The following ITGAE variants were observed in gnomAD, a reference collection of about 807,000 sequenced individuals.
ITGAE encodes integrin alpha-E.
A neutral mutation model predicts 136.5 loss-of-function variants in ITGAE; 99 were observed. The ratio of observed to expected loss-of-function variants is 0.73; its 90% CI spans 0.62 to 0.86. The LOEUF is 0.86. Among genes scored for constraint, ITGAE ranks in the 40% least tolerant of loss-of-function variants. The pLI is 0.00. For synonymous variants in ITGAE, 613 were observed against 591.8 expected (o/e 1.04, Z -0.52); for missense variants, 1,447 against 1,515.3 (o/e 0.95, Z 0.75).
chr17:3,756,230 T>C, intron 10 of ITGAE, among the ~76,000 whole-genome samples: 1 of 114,360 alleles, frequency 8.7e-6, no homozygotes, highest in Non-Finnish European at 1.8e-5. Flanking sequence ...TGGCCTTTTT[T>C]TTTTTTTTTT....
chr17:3,775,215 T>C (rs1003511888), intron 2 of ITGAE, among the ~76,000 whole-genome samples: 1 of 152,148 alleles, frequency 6.6e-6, no homozygotes, highest in Non-Finnish European at 1.5e-5. Context: ...CCTCCCAAAG[T>C]GCTAGGATTA....
chr17:3,794,495 G>A (rs1468228110), intron 1 of ITGAE, among the ~76,000 whole-genome samples: 3 of 152,132 alleles, frequency 2.0e-5, no homozygotes, highest in East Asian at 1.9e-4. Context: ...CATCTGCCTC[G>A]ATCGCCACAT....
intron 26 of ITGAE, chr17:3,724,503 G>C (rs78982870): frequency 6.2e-7 from 1 of 1,613,912 alleles, no homozygotes; most frequent in Non-Finnish European, 8.5e-7. Flanking sequence ...CATCTCGATC[G>C]GCACCTCCGC....
At chr17:3,725,361 A>G in intron 26 of ITGAE, 1 of 1,613,242 alleles carries the variant, frequency 6.2e-7, no homozygotes, top group South Asian at 1.1e-5. Context: ...TGTCCCCTTT[A>G]GCCATTGCCT....
chr17:3,756,518 C>T (rs985593710), intron 10 of ITGAE, among the ~76,000 whole-genome samples: 4 of 150,186 alleles, frequency 2.7e-5, no homozygotes, highest in African/African-American at 4.9e-5. Context: ...TCTTCTGTCT[C>T]GGGCTCCTGA....
chr17:3,792,471 T>C (rs529660040), intron 1 of ITGAE, among the ~76,000 whole-genome samples: 54 of 152,310 alleles, frequency 3.5e-4, no homozygotes, highest in African/African-American at 1.3e-3. Flanking sequence ...CTGGAATGAT[T>C]TGTGGTGATT....
chr17:3,724,718 A>G lies in ITGAE; in HGVS notation c.3085-974T>C, dbSNP rs376883181. ...CCCCTGAGGATTCTGAGTTTCGGGCAGATGGGAAGAATATGAGAGAGTCCT... is the reference window on the plus strand; with the variant it reads ...CCCCTGAGGATTCTGAGTTTCGGGCGGATGGGAAGAATATGAGAGAGTCCT... On this transcript the variant is annotated intron_variant, in intron 26 of 30. Transcript: ENST00000263087. 83 of 1,614,128 alleles carry G rather than the reference A, an allele frequency of 5.1e-5. 1 individual carries two copies. The Middle Eastern group carries it at 1.3e-3, about 26-fold the overall frequency.
At chr17:3,789,297 A>T (rs2052879607) in intron 1 of ITGAE, among the ~76,000 whole-genome samples, 1 of 151,992 alleles carries the variant, frequency 6.6e-6, no homozygotes, top group Non-Finnish European at 1.5e-5. Context: ...TAAAAAGGGC[A>T]CCATCTCTTT....
chr17:3,783,707 G>A (rs1050704567), intron 1 of ITGAE, among the ~76,000 whole-genome samples: 13 of 151,870 alleles, frequency 8.6e-5, no homozygotes, highest in African/African-American at 3.1e-4. Context: ...TAGATTTCAG[G>A]AAGAAATTAA....
intron 19 of ITGAE, 131 bp from the exon 20 acceptor site, chr17:3,740,009 G>A (rs79184401): frequency 1.4e-6 from 1 of 711,366 alleles, no homozygotes. Flanking sequence ...GTTACAGGGA[G>A]GTGAGGGGTG....
At chr17:3,762,828 C>T (rs775699459) in intron 3 of ITGAE, among the ~76,000 whole-genome samples, 1 of 151,670 alleles carries the variant, frequency 6.6e-6, no homozygotes, top group African/African-American at 2.4e-5. Context: ...TCTCGATCTC[C>T]TGACCCATGA....
chr17:3,747,364 G>A (rs1319632557), intron 17 of ITGAE, among the ~76,000 whole-genome samples: 2 of 151,774 alleles, frequency 1.3e-5, no homozygotes, highest in African/African-American at 2.4e-5. Context: ...GTCACCCAGC[G>A]TGGAGTGCAG....
At position 3,723,685 on chromosome 17, in the gene ITGAE, T is replaced by C. The variant is rs746267394; in HGVS notation, c.3141+3A>G. ...CCTGGCCTCTCGGGACGGCCGCGCTTACCTGAACCGAACTGTACGCACAAG... is the reference window on the plus strand; with the variant it reads ...CCTGGCCTCTCGGGACGGCCGCGCTCACCTGAACCGAACTGTACGCACAAG... On this transcript the variant is annotated splice_donor_region_variant and intron_variant, in intron 27 of 30. Transcript: ENST00000263087. 64 of 1,593,580 alleles carry C rather than the reference T, an allele frequency of 4.0e-5. No individual in the cohort carries two copies. Among genetic ancestry groups the C allele is most frequent in the Non-Finnish European group, 5.4e-5 (63 of 1,169,650 alleles).
At chr17:3,797,158 T>TATA (rs1491339983) in intron 1 of ITGAE, among the ~76,000 whole-genome samples, 38 of 4,366 alleles carry the variant, frequency 8.7e-3, no homozygotes, top group Middle Eastern at 0.083. Flanking sequence ...TATATATATA[T>TATA]TTTTTTTTTT....
intron 13 of ITGAE, 75 bp downstream of exon 13, chr17:3,753,708 G>A: frequency 1.3e-6 from 2 of 1,569,362 alleles, no homozygotes; most frequent in Non-Finnish European, 1.7e-6. Flanking sequence ...TGCACCGTGG[G>A]ACCCACTCCT....
At position 3,799,735 on chromosome 17, in the gene ITGAE, C is replaced by T. The variant is rs1283409937; in HGVS notation, c.34+1376G>A. ...AGAGTGAGACTCTCTCCACACCCCA[C>T]ATGTAACTAAAAACAGAGAAGTCTA... On this transcript the variant is annotated intron_variant, in intron 1 of 30. Coordinates refer to ENST00000263087, the MANE Select transcript of ITGAE (RefSeq NM_002208.5). The surrounding 1 kb of genome is among the most constrained non-coding windows in gnomAD (Gnocchi z 4.1). 6.6e-6 allele frequency among the ~76,000 whole-genome samples: 1 copy of T among 152,204 alleles called. No homozygotes were observed. Among genetic ancestry groups the T allele is most frequent in the Non-Finnish European group, 1.5e-5 (1 of 68,040 alleles).
intron 26 of ITGAE, chr17:3,724,661 G>A (rs760163372): frequency 2.0e-5 from 32 of 1,614,092 alleles, no homozygotes; most frequent in Non-Finnish European, 2.2e-5. Flanking sequence ...CCAGCCTCAG[G>A]TCAGTTCTCT....
At position 3,751,787 on chromosome 17, in the gene ITGAE, C is replaced by A. The variant is rs2143019862; in HGVS notation, c.1756G>T (p.Asp586Tyr). 1 of 1,614,102 alleles carries A rather than the reference C, an allele frequency of 6.2e-7. No homozygotes were observed. Residue 586 changes from aspartate (D) to tyrosine (Y), a missense_variant, in exon 15 of 31, where the codon GAT becomes TAT. By Grantham distance (160) the Asp-to-Tyr change is radical. This residue lies in a region of ITGAE where 1,031 missense variants were observed against 1,011.4 expected (regional missense o/e 1.02). Transcript: ENST00000263087. ...RFGFAMAAMG[D>Y]LSQDKLTDVA... ...TCTGTGAGCTTATCCTGACTGAGAT[C>A]CCCCATAGCCGCCATGGCAAAGCCA... is the stretch of plus-strand genomic sequence containing the variant.
rs185326377 is a variant in ITGAE, at chr17:3,751,721, C to T, written c.1822G>A (p.Asp608Asn). ...GAPLEGFGAD[D>N]GASFGSVYIY... ...TACACACTGCCGAAGCTGGCACCAT[C>T]ATCTGCCCCAAAACCTTCCAGGGGG... The change falls in exon 15 of 31, where the codon GAT becomes AAT. Residue 608 changes from aspartate (D) to asparagine (N), a missense_variant. Physicochemically the swap from Asp to Asn is conservative, Grantham distance 23. Around this residue, in one of 3 missense-constraint regions of ITGAE, gnomAD observed 1,031 missense variants for 1,011.4 expected, o/e 1.02. Transcript: ENST00000263087. 5 of 1,613,952 alleles carry T rather than the reference C, an allele frequency of 3.1e-6. No individual in the cohort carries two copies. The highest frequency in any genetic ancestry group is 4.2e-6 in the Non-Finnish European group (5 of 1,179,982).
Sources: allele counts gnomAD v4.1 joint callset (sites outside exome capture counted in the v4.1 genomes callset), GRCh38; gene constraint gnomAD v4.1.1; regional missense constraint gnomAD v4.1.1; non-coding constraint Gnocchi (gnomAD v3.1); transcripts MANE v1.5; gene names NCBI Gene and HGNC (gene_info 2026-07-23, HGNC 2026-07-21).